The following BDP1 variants were observed in gnomAD, a reference collection of about 807,000 sequenced individuals.
BDP1 encodes BDP1 general transcription factor IIIB subunit.
In BDP1, 169 loss-of-function variants were observed where a neutral mutation model predicts 266.6. That is an observed-to-expected ratio of 0.63 (90% confidence interval 0.56 to 0.72). BDP1 has a LOEUF of 0.72. Among genes scored for constraint, BDP1 ranks in the 30% least tolerant of loss-of-function variants. The probability of loss-of-function intolerance (pLI) is 0.00; values close to 1 mark genes in which losing one functional copy is unlikely to be tolerated. For synonymous variants in BDP1, 1,090 were observed against 1,022.4 expected (o/e 1.07, Z -1.26); for missense variants, 3,015 against 3,053.8 (o/e 0.99, Z 0.30).
intron 22 of BDP1, among the ~76,000 whole-genome samples, chr5:71,521,961 T>C (rs1765517639): frequency 1.4e-5 from 1 of 73,036 alleles, no homozygotes; most frequent in South Asian, 4.3e-4. Flanking sequence ...GCTACTTGCC[T>C]TTTTTTTTTT....
Position 71,558,500 on chromosome 5 carries a change from T to C in BDP1, c.7241-1482T>C, listed in dbSNP as rs377352505. ...TCACGCCATTGCACGCCAGCCTGGG[T>C]GACAGAGCAAATCTCTGTCTCAAAA... On this transcript the variant is annotated intron_variant, in intron 36 of 38. Coordinates refer to ENST00000358731, the MANE Select transcript of BDP1 (RefSeq NM_018429.3). Among the ~76,000 whole-genome samples, 14 of 148,194 alleles carry C rather than the reference T, an allele frequency of 9.4e-5. 1 individual carries two copies. Among genetic ancestry groups the C allele is most frequent in the African/African-American group, 3.5e-4 (14 of 39,730 alleles).
At chr5:71,555,321 A>G (rs1743136250) in intron 35 of BDP1, among the ~76,000 whole-genome samples, 1 of 152,208 alleles carries the variant, frequency 6.6e-6, no homozygotes, top group South Asian at 2.1e-4. Context: ...TCAGTAAGAC[A>G]GTAAATCTTC....
At chr5:71,545,312 C>G in intron 32 of BDP1, 93 bp downstream of exon 32, 1 of 1,111,818 alleles carries the variant, frequency 9.0e-7, no homozygotes, top group Non-Finnish European at 1.3e-6. Context: ...AACTTCACCT[C>G]TTTTATCTTC....
intron 16 of BDP1, among the ~76,000 whole-genome samples, chr5:71,505,976 A>C (rs1307389671): frequency 6.6e-6 from 1 of 152,162 alleles, no homozygotes; most frequent in African/African-American, 2.4e-5. Context: ...TGCCTTCACT[A>C]TTCCTTTGCT....
intron 34 of BDP1, among the ~76,000 whole-genome samples, chr5:71,552,785 G>C (rs1378251676): frequency 6.6e-6 from 1 of 152,254 alleles, no homozygotes; most frequent in Non-Finnish European, 1.5e-5. Context: ...GTCCAGCTTC[G>C]GCTCGGCATC....
intron 30 of BDP1, among the ~76,000 whole-genome samples, chr5:71,544,088 G>A (rs988204533): frequency 2.0e-5 from 3 of 152,132 alleles, no homozygotes; most frequent in African/African-American, 7.2e-5. Flanking sequence ...TCTAATTATT[G>A]ATGCTAGTAC....
intron 1 of BDP1, 57 bp downstream of exon 1, chr5:71,456,146 C>T (rs1761172108): frequency 2.0e-6 from 3 of 1,514,436 alleles, no homozygotes; most frequent in East Asian, 4.6e-5. Flanking sequence ...GGCATGTCAC[C>T]TGGAAGCTGA....
chr5:71,499,450 C>G lies in BDP1; in HGVS notation c.1956+2024C>G, dbSNP rs557868515. Among the ~76,000 whole-genome samples the G allele has an allele frequency of 2.0e-5, 3 of 152,260 alleles. No individual in the cohort carries two copies. In the South Asian group the frequency reaches 6.2e-4, roughly 32 times the overall value. ...TGGCCAACATGGCGAAATCCCATCT[C>G]TACTAAAAATACAAAAAAATTAGCT... On this transcript the variant is annotated intron_variant, in intron 13 of 38. Coordinates refer to ENST00000358731, the MANE Select transcript of BDP1 (RefSeq NM_018429.3).
Position 71,519,243 on chromosome 5 carries a change from A to G in BDP1, c.4991+1791A>G, listed in dbSNP as rs148722416. Among the ~76,000 whole-genome samples the G allele has an allele frequency of 2.7e-3, 411 of 152,290 alleles. 3 individuals are homozygous for G. The highest frequency in any genetic ancestry group is 9.5e-3 in the African/African-American group (394 of 41,564). On this transcript the variant is annotated intron_variant, in intron 22 of 38. Transcript: ENST00000358731. The stretch of plus-strand genomic sequence containing the variant: ...TGGACTACATGTGATATTTTGATAC[A>G]TTATACACAATATATAATTACCAGA...
intron 7 of BDP1, among the ~76,000 whole-genome samples, chr5:71,471,582 A>G (rs1160704254): frequency 6.6e-6 from 1 of 152,206 alleles, no homozygotes; most frequent in Non-Finnish European, 1.5e-5. Flanking sequence ...AACCAGTGGC[A>G]CTAATAACAA....
At chr5:71,525,732 G>A (rs1765817184) in intron 25 of BDP1, among the ~76,000 whole-genome samples, 1 of 150,630 alleles carries the variant, frequency 6.6e-6, no homozygotes, top group African/African-American at 2.4e-5. Context: ...GCCAGGCGGG[G>A]GGCTGACCCC....
In BDP1 at chr5:71,509,806, T is replaced by C. The variant is rs1037252818; in HGVS notation, c.2714T>C (p.Met905Thr). The C allele has an allele frequency of 3.2e-5, 52 of 1,613,810 alleles. No individual in the cohort carries two copies. Among genetic ancestry groups the C allele is most frequent in the Non-Finnish European group, 4.2e-5 (49 of 1,179,976 alleles). Reference protein sequence around the residue: ...TIEMETGLKAMGREICLREKT... With the variant: ...TIEMETGLKATGREICLREKT... ...GAAATGGAGACAGGTCTGAAAGCAA[T>C]GGGAAGAGAGATTTGTCTAAGGGAG... Residue 905 changes from methionine (M) to threonine (T), a missense_variant, in exon 17 of 39, where the codon ATG becomes ACG. Coordinates refer to ENST00000358731, the MANE Select transcript of BDP1 (RefSeq NM_018429.3).
chr5:71,528,864 G>A (rs879875712), intron 25 of BDP1, among the ~76,000 whole-genome samples: 2 of 152,160 alleles, frequency 1.3e-5, no homozygotes, highest in Admixed American at 6.5e-5. Flanking sequence ...CTGCATGAGA[G>A]TTCATTTAGC....
At chr5:71,480,132 G>A (rs1292036843) in intron 7 of BDP1, among the ~76,000 whole-genome samples, 1 of 143,252 alleles carries the variant, frequency 7.0e-6, no homozygotes, top group Non-Finnish European at 1.5e-5. Flanking sequence ...TTTATTTTGA[G>A]ACGGAGTCTC....
intron 13 of BDP1, among the ~76,000 whole-genome samples, chr5:71,500,980 C>T (rs1764196379): frequency 6.6e-6 from 1 of 151,742 alleles, no homozygotes; most frequent in South Asian, 2.1e-4. Flanking sequence ...ACCTGTAGTC[C>T]CAGCTACTCA....
intron 7 of BDP1, among the ~76,000 whole-genome samples, chr5:71,483,486 TG>T (rs1763081353): frequency 6.6e-6 from 1 of 152,236 alleles, no homozygotes; most frequent in Non-Finnish European, 1.5e-5. Flanking sequence ...AGAACAATGA[TG>T]TCAGAGGTTT....
Position 71,524,216 on chromosome 5 carries a change from A to G in BDP1, c.5665A>G (p.Ser1889Gly). The change falls in exon 25 of 39, where the codon AGC becomes GGC. Residue 1889 changes from serine to glycine, a missense_variant. This residue lies in a region of BDP1 where 2,383 missense variants were observed against 2,404.9 expected (regional missense o/e 0.99). Coordinates refer to ENST00000358731, the MANE Select transcript of BDP1 (RefSeq NM_018429.3). ...DDFESDYEEE[S>G]YHLAPEEVNK... Reference sequence around the variant, plus strand: ...TTTTGAGTCTGACTATGAGGAAGAAAGCTATCATCTTGCTCCCGAAGAAGT... The same window carrying G: ...TTTTGAGTCTGACTATGAGGAAGAAGGCTATCATCTTGCTCCCGAAGAAGT... The G allele has an allele frequency of 1.2e-6, 2 of 1,614,216 alleles. No homozygotes were observed. The highest frequency in any genetic ancestry group is 1.1e-5 in the South Asian group (1 of 91,086).
intron 21 of BDP1, among the ~76,000 whole-genome samples, chr5:71,516,692 TGTTA>T (rs1765241501): frequency 6.6e-6 from 1 of 152,240 alleles, no homozygotes; most frequent in Non-Finnish European, 1.5e-5. Context: ...TCAAGAAATA[TGTTA>T]GTTACATCAT....
chr5:71,563,500 T>TC (rs1743823843), intron 38 of BDP1, among the ~76,000 whole-genome samples: 1 of 152,210 alleles, frequency 6.6e-6, no homozygotes, highest in South Asian at 2.1e-4. Context: ...ATTTTTTTTT[T>TC]CTCTGTATGT....
Sources: allele counts gnomAD v4.1 joint callset (sites outside exome capture counted in the v4.1 genomes callset), GRCh38; gene constraint gnomAD v4.1.1; regional missense constraint gnomAD v4.1.1; transcripts MANE v1.5; gene names NCBI Gene and HGNC (gene_info 2026-07-23, HGNC 2026-07-21).